PDPR: variants seen among roughly 807,000 people sequenced by gnomAD.
PDPR encodes the protein pyruvate dehydrogenase phosphatase regulatory subunit, also known as pyruvate dehydrogenase phosphatase regulatory subunit, mitochondrial.
PDPR carries 50 observed loss-of-function variants against 102.2 expected under a neutral mutation model. The observed-to-expected ratio is 0.49, with a 90% CI of 0.39 to 0.62. The LOEUF (loss-of-function observed/expected upper bound fraction) is 0.62. Among genes scored for constraint, PDPR ranks in the 20% least tolerant of loss-of-function variants. The pLI is 0.00. For missense variants in PDPR, 625 were observed against 1,098.2 expected (o/e 0.57, Z 6.09); for synonymous variants, 259 against 406.0 (o/e 0.64, Z 4.35).
At chr16:70,113,709 T>C (rs1474927253), upstream of PDPR, 1 of 138,980 alleles carries the variant, frequency 7.2e-6, no homozygotes, top group Non-Finnish European at 1.6e-5. Flanking sequence ...ACTTCAGTGA[T>C]TCCTCTTCCT....
intron 13 of PDPR, 72 bp from the exon 14 acceptor site, chr16:70,143,438 G>A (rs1965932351): frequency 6.4e-7 from 1 of 1,555,402 alleles, no homozygotes; most frequent in Non-Finnish European, 8.8e-7. Context: ...GAGGTTCATT[G>A]CTGGTGGGGC....
intron 14 of PDPR, among the ~76,000 whole-genome samples, chr16:70,143,887 T>A (rs1965986709): frequency 6.6e-6 from 1 of 152,042 alleles, no homozygotes; most frequent in Non-Finnish European, 1.5e-5. Flanking sequence ...AGATGCCTTG[T>A]CTTTTTTCTT....
intron 3 of PDPR, among the ~76,000 whole-genome samples, chr16:70,120,961 G>C (rs1313912829): frequency 7.5e-6 from 1 of 132,510 alleles, no homozygotes; most frequent in Non-Finnish European, 1.6e-5. Flanking sequence ...TTTTTTTGGT[G>C]GTGGTGTTTT....
chr16:70,158,066 G>A lies in PDPR; in HGVS notation c.*1187G>A, dbSNP rs1251401563. On this transcript the variant is annotated 3_prime_UTR_variant, in exon 19 of 19. Transcript: ENST00000288050. ...AGTCCAAAGGGTGTACGTTGCATAA[G>A]GCTAGAGACCGCTTTTCCTCCTTTC... 6.5e-6 allele frequency: 1 copy of A among 153,462 alleles called. No individual in the cohort carries two copies. Among genetic ancestry groups the A allele is most frequent in the Admixed American group, 6.5e-5 (1 of 15,282 alleles). 9.5% of individuals were successfully genotyped at this position (153,462 alleles called of 1,614,324 possible). A position where few individuals can be genotyped will look rare whatever the true frequency, so the allele number is the denominator to read the frequency against.
At chr16:70,151,037 C>G (rs1388525664) in intron 17 of PDPR, among the ~76,000 whole-genome samples, 1 of 151,978 alleles carries the variant, frequency 6.6e-6, no homozygotes. Flanking sequence ...TGGGTTCAAG[C>G]GATTCTCCTG....
chr16:70,154,863 T>C (rs1966941171), intron 18 of PDPR, among the ~76,000 whole-genome samples: 1 of 152,228 alleles, frequency 6.6e-6, no homozygotes, highest in Admixed American at 6.5e-5. Context: ...GGTCTCGAAC[T>C]CCTGAGCTCA....
intron 14 of PDPR, among the ~76,000 whole-genome samples, chr16:70,143,989 T>C (rs1597361655): frequency 6.6e-6 from 1 of 152,190 alleles, no homozygotes; most frequent in East Asian, 1.9e-4. Flanking sequence ...CCTCCTGGGC[T>C]CAAGTGATCC....
rs897857790 is a variant in PDPR, at chr16:70,159,150, C to T, written c.*2271C>T. ...CATAGAGTTTTAAGACTTGGATTCT[C>T]TTCTGCCCTTGTTAATCTCCAACTA... On this transcript the variant is annotated 3_prime_UTR_variant, in exon 19 of 19. Coordinates refer to ENST00000288050, the MANE Select transcript of PDPR (RefSeq NM_017990.5). The T allele has an allele frequency of 6.6e-6, 1 of 152,356 alleles. No homozygotes were observed. The allele number at this position is 152,356 out of a possible 1,614,324, so 9.4% of individuals were successfully genotyped here.
chr16:70,150,037 C>G (rs1284304557), intron 17 of PDPR, among the ~76,000 whole-genome samples: 1 of 152,170 alleles, frequency 6.6e-6, no homozygotes, highest in African/African-American at 2.4e-5. Flanking sequence ...GATCTGCCAG[C>G]CTTGGCCTCC....
chr16:70,133,952 C>T (rs1157325712), intron 9 of PDPR, among the ~76,000 whole-genome samples: 2 of 151,192 alleles, frequency 1.3e-5, no homozygotes, highest in African/African-American at 4.9e-5. Context: ...AGGCTGGTTT[C>T]GAACTCCTGA....
intron 3 of PDPR, among the ~76,000 whole-genome samples, chr16:70,121,722 T>G (rs1963302399): frequency 1.3e-5 from 2 of 150,920 alleles, no homozygotes; most frequent in East Asian, 3.9e-4. Flanking sequence ...GGCCTTTGAC[T>G]CTGATAATTC....
intron 6 of PDPR, among the ~76,000 whole-genome samples, chr16:70,129,481 A>T (rs1964321811): frequency 1.3e-5 from 2 of 152,266 alleles, no homozygotes; most frequent in Admixed American, 6.5e-5. Context: ...AGTAGGTGGG[A>T]CTACAGGCGT....
In PDPR at chr16:70,120,617, A is replaced by G; in HGVS notation, c.125A>G (p.Gln42Arg). Residue 42 changes from glutamine to arginine, a missense_variant, in exon 3 of 19, where the codon CAG becomes CGG. Around this residue, in one of 11 missense-constraint regions of PDPR, gnomAD observed 84 missense variants for 87.7 expected, o/e 0.96. Transcript: ENST00000288050. ...GCGCGTTCCATGGCCCTGCCCACCC[A>G]GGCACAGGTGGTCATCTGTGGAGGT... ...AEARSMALPT[Q>R]AQVVICGGGI... The G allele has an allele frequency of 6.2e-7, 1 of 1,613,700 alleles. No homozygotes were observed. Among genetic ancestry groups the G allele is most frequent in the African/African-American group, 1.3e-5 (1 of 75,054 alleles).
intron 18 of PDPR, among the ~76,000 whole-genome samples, chr16:70,155,360 C>T (rs1407400813): frequency 6.6e-6 from 1 of 152,214 alleles, no homozygotes; most frequent in Non-Finnish European, 1.5e-5. Flanking sequence ...CAGCTCACTG[C>T]AATCTCTGCC....
intron 17 of PDPR, among the ~76,000 whole-genome samples, chr16:70,152,567 T>C (rs1232153823): frequency 6.6e-6 from 1 of 152,272 alleles, no homozygotes; most frequent in Non-Finnish European, 1.5e-5. Context: ...GTCTGTTTGG[T>C]AGATGCCTGT....
chr16:70,156,422 G>C, intron 18 of PDPR, 53 bp from the exon 19 acceptor site: 6 of 1,595,200 alleles, frequency 3.8e-6, no homozygotes, highest in South Asian at 2.3e-5. Context: ...GCTGCTCTCT[G>C]TGCCGAGGGT....
chr16:70,156,379 A>G, intron 18 of PDPR, 96 bp from the exon 19 acceptor site: 1 of 1,449,526 alleles, frequency 6.9e-7, no homozygotes, highest in African/African-American at 1.4e-5. Context: ...GCTGTGCCCC[A>G]TTGCAGTGAC....
chr16:70,149,686 C>T (rs983215746), intron 17 of PDPR, among the ~76,000 whole-genome samples: 5 of 152,262 alleles, frequency 3.3e-5, no homozygotes, highest in African/African-American at 4.8e-5. Context: ...TACATCATTC[C>T]GATACTAATA....
chr16:70,131,888 T>A, intron 8 of PDPR: 1 of 1,454,600 alleles, frequency 6.9e-7, no homozygotes, highest in East Asian at 3.5e-5. Context: ...CGTGGTTTGC[T>A]TGTGGGGACT....
Sources: gnomAD v4.1 joint callset for allele counts (sites outside exome capture counted in the v4.1 genomes callset) on GRCh38, gnomAD v4.1.1 for gene constraint, gnomAD v4.1.1 regional missense constraint, MANE v1.5 for transcripts, NCBI Gene and HGNC (gene_info 2026-07-23, HGNC 2026-07-21) for gene names.